Variants in ADGRA1 observed in about 807,000 individuals in gnomAD.
The protein encoded by ADGRA1 is G-protein coupled receptor 123.
Under a neutral mutation model 21.3 loss-of-function variants are expected in ADGRA1, and 12 were observed. The ratio of observed to expected loss-of-function variants is 0.56; its 90% CI spans 0.36 to 0.91. The LOEUF (loss-of-function observed/expected upper bound fraction) is 0.91, where lower values mean the gene tolerates loss of function less well. ADGRA1 is among the 40% of genes least tolerant of loss of function. The pLI is 0.01. For synonymous variants in ADGRA1, 385 were observed against 368.8 expected (o/e 1.04, Z -0.50); for missense variants, 790 against 805.6 (o/e 0.98, Z 0.23).
intron 5 of ADGRA1, among the ~76,000 whole-genome samples, chr10:133,116,546 C>T (rs988167146): frequency 4.1e-5 from 6 of 145,464 alleles, no homozygotes; most frequent in African/African-American, 1.0e-4. Context: ...CACCCAAGGC[C>T]GCCCACCAGC....
chr10:133,091,346 G>A (rs536197340), intron 2 of ADGRA1, among the ~76,000 whole-genome samples: 328 of 152,130 alleles, frequency 2.2e-3, no homozygotes, highest in African/African-American at 7.3e-3. Flanking sequence ...TGTGGTTGCC[G>A]TGGGATGGGC....
intron 2 of ADGRA1, among the ~76,000 whole-genome samples, chr10:133,096,168 G>A (rs535688830): frequency 3.4e-4 from 52 of 152,306 alleles, no homozygotes; most frequent in African/African-American, 1.1e-3. Context: ...CTGGTGCCCC[G>A]AGGCCCCCTC....
intron 5 of ADGRA1, among the ~76,000 whole-genome samples, chr10:133,122,445 G>C (rs558956897): frequency 6.6e-6 from 1 of 152,254 alleles, no homozygotes; most frequent in Admixed American, 6.5e-5. Context: ...GCACGGGGCC[G>C]AGGGGCTAAT....
chr10:133,128,635 G>A lies in ADGRA1; in HGVS notation c.807G>A (p.Thr269=), dbSNP rs756708439. The A allele has an allele frequency of 6.2e-6, 10 of 1,607,488 alleles. No homozygotes were observed. Among genetic ancestry groups the A allele is most frequent in the Middle Eastern group, 1.7e-4 (1 of 6,050 alleles). The change falls in exon 7 of 7, where the codon ACG becomes ACA. Residue 269 remains threonine (T), a synonymous_variant. Transcript: ENST00000392607. ...AAFTLFLFTA[T]WAFGALAVSQ... is the part of the protein sequence containing the mutation. ...TCACGCTGTTCCTGTTCACGGCCAC[G>A]TGGGCCTTCGGGGCGCTGGCGGTGT...
chr10:133,098,883 T>TGGCACATC (rs199882188), intron 4 of ADGRA1, 120 bp downstream of exon 4: 33,858 of 1,337,262 alleles, frequency 0.025, 652 homozygotes, highest in Non-Finnish European at 0.029. Context: ...GGTCGGACCC[T>TGGCACATC]GGCACATCGG....
chr10:133,090,659 G>A (rs1851583489), intron 2 of ADGRA1, among the ~76,000 whole-genome samples: 1 of 152,148 alleles, frequency 6.6e-6, no homozygotes, highest in Non-Finnish European at 1.5e-5. Flanking sequence ...AGGAAGCCTG[G>A]AGGCCGTGGC....
intron 2 of ADGRA1, among the ~76,000 whole-genome samples, chr10:133,092,747 GAGGGAGGAAGGA>G (rs1250924791): frequency 0.017 from 1,412 of 81,508 alleles, 60 homozygotes; most frequent in African/African-American, 0.046. Flanking sequence ...GAGAAATAGG[GAGGGAGGAAGGA>G]AGGAAGGAAG....
At chr10:133,115,645 C>T (rs1449397866) in intron 5 of ADGRA1, among the ~76,000 whole-genome samples, 1 of 152,132 alleles carries the variant, frequency 6.6e-6, no homozygotes, top group Non-Finnish European at 1.5e-5. Context: ...AGGACCCCGC[C>T]GGCACTGTGG....
chr10:133,110,040 C>T (rs12778397), intron 5 of ADGRA1, among the ~76,000 whole-genome samples: 25,253 of 152,092 alleles, frequency 0.17, 2,487 homozygotes, highest in Non-Finnish European at 0.22. Context: ...GACTCAGCAG[C>T]GGCGGCGTTC....
At position 133,103,863 on chromosome 10, in the gene ADGRA1, C is replaced by A. The variant is rs191352745; in HGVS notation, c.401+1021C>A. On this transcript the variant is annotated intron_variant, in intron 5 of 6. Coordinates refer to ENST00000392607, the MANE Select transcript of ADGRA1 (RefSeq NM_001083909.3). ...GAAAGCCAGGCTCGGAGCGTGGCCT[C>A]GAGGCCTTGGGTGCCTACCTGGCCC... 1.8e-4 allele frequency among the ~76,000 whole-genome samples: 27 copies of A among 152,310 alleles called. 1 individual carries two copies. Among genetic ancestry groups the A allele is most frequent in the African/African-American group, 6.5e-4 (27 of 41,578 alleles).
At chr10:133,113,473 C>T (rs1488005385) in intron 5 of ADGRA1, among the ~76,000 whole-genome samples, 2 of 152,336 alleles carry the variant, frequency 1.3e-5, no homozygotes, top group Admixed American at 1.3e-4. Context: ...CCTCTCTAGG[C>T]CACAGGGCAA....
At chr10:133,089,475 A>G (rs2998113) in intron 2 of ADGRA1, among the ~76,000 whole-genome samples, 151,962 of 152,350 alleles carry the variant, frequency 1, 75,788 homozygotes, top group Middle Eastern at 1. Context: ...CGGCTAGCCG[A>G]GCCCATCGTG....
rs1031269747 is a variant in ADGRA1, at chr10:133,101,774, G to A, written c.256-923G>A. Reference sequence around the variant, plus strand: ...CGACCCCACACTCAGTGGCCAGGCCGGGGGAAAGGGTGGAGCCCCCCGGGG... The same window carrying A: ...CGACCCCACACTCAGTGGCCAGGCCAGGGGAAAGGGTGGAGCCCCCCGGGG... On this transcript the variant is annotated intron_variant, in intron 4 of 6. Coordinates refer to ENST00000392607, the MANE Select transcript of ADGRA1 (RefSeq NM_001083909.3). Among the ~76,000 whole-genome samples the A allele has an allele frequency of 6.6e-5, 10 of 152,278 alleles. No individual in the cohort carries two copies. In the East Asian group the frequency reaches 7.7e-4, roughly 12 times the overall value.
chr10:133,092,569 G>C (rs1324830261), intron 2 of ADGRA1, among the ~76,000 whole-genome samples: 1 of 152,088 alleles, frequency 6.6e-6, no homozygotes, highest in Non-Finnish European at 1.5e-5. Flanking sequence ...ATGAAAAGTT[G>C]ACAGATCAGT....
chr10:133,118,879 C>T (rs893889795), intron 5 of ADGRA1, among the ~76,000 whole-genome samples: 1 of 151,788 alleles, frequency 6.6e-6, no homozygotes, highest in Non-Finnish European at 1.5e-5. Context: ...CACACACATG[C>T]ACTCATACAC....
rs867349759 is a variant in ADGRA1 at position 133,129,236 on chromosome 10, G to A, written c.1408G>A (p.Ala470Thr). Reference protein sequence around the residue: ...LDGPAGTHTLACCTQGDPFPM... With the variant: ...LDGPAGTHTLTCCTQGDPFPM... ...TGGCCCGGCGGGGACACACACGCTGGCCTGCTGCACCCAGGGCGACCCCTT... is the reference window on the plus strand; with the variant it reads ...TGGCCCGGCGGGGACACACACGCTGACCTGCTGCACCCAGGGCGACCCCTT... The change falls in exon 7 of 7, where the codon GCC (alanine) becomes ACC (threonine). Residue 470 changes from alanine (A) to threonine (T), a missense_variant. Physicochemically the swap from Ala to Thr is moderately conservative, Grantham distance 58. Coordinates refer to ENST00000392607, the MANE Select transcript of ADGRA1 (RefSeq NM_001083909.3). The A allele has an allele frequency of 1.3e-6, 2 of 1,549,650 alleles. No homozygotes were observed. The highest frequency in any genetic ancestry group is 1.8e-4 in the Middle Eastern group (1 of 5,702).
At chr10:133,114,370 G>A (rs61862113) in intron 5 of ADGRA1, among the ~76,000 whole-genome samples, 2,379 of 152,292 alleles carry the variant, frequency 0.016, 24 homozygotes, top group South Asian at 0.048. Context: ...CACTGCAAGC[G>A]GACCAGAGCG....
chr10:133,088,456 G>A (rs1231510329), intron 1 of ADGRA1: 1 of 158,912 alleles, frequency 6.3e-6, no homozygotes, highest in Non-Finnish European at 1.4e-5. Flanking sequence ...TTTGGCTCCG[G>A]AGCCGGGAGT....
chr10:133,097,136 CCAAGAAACCTGCTTTTACCTTCAAAGG>C, intron 3 of ADGRA1, 35 bp downstream of exon 3: 1 of 1,599,632 alleles, frequency 6.3e-7, no homozygotes, highest in South Asian at 1.1e-5. Flanking sequence ...CCCCCTGTGC[CCAAGAAACCTGCTTTTACCTTCAAAGG>C]CAAGTCCCTG....
Sources: allele counts gnomAD v4.1 joint callset (sites outside exome capture counted in the v4.1 genomes callset), GRCh38; gene constraint gnomAD v4.1.1; transcripts MANE v1.5; gene names NCBI Gene and HGNC (gene_info 2026-07-23, HGNC 2026-07-21).